The following RPL34 variants were observed in gnomAD, a reference collection of about 807,000 sequenced individuals.
RPL34 encodes the protein large ribosomal subunit protein eL34.
In RPL34, 2 loss-of-function variants were observed where a neutral mutation model predicts 16.3. The ratio of observed to expected loss-of-function variants is 0.12; its 90% CI spans 0.05 to 0.39. The LOEUF (loss-of-function observed/expected upper bound fraction) is 0.39. RPL34 is among the 10% of genes least tolerant of loss of function. RPL34 has a pLI of 0.99. For synonymous variants in RPL34, 47 were observed against 48.5 expected, an observed-to-expected ratio of 0.97 and a Z score of 0.13; for missense variants, 82 against 148.8, an observed-to-expected ratio of 0.55 and a Z score of 2.33.
chr4:108,621,782 C>T, intron 1 of RPL34, 169 bp from the exon 2 acceptor site: 1 of 568,022 alleles, frequency 1.8e-6, no homozygotes, highest in Non-Finnish European at 3.2e-6. Flanking sequence ...TCTTGTTTAT[C>T]AGTCACCTTT....
chr4:108,622,708 T>G, intron 4 of RPL34, 90 bp downstream of exon 4: 1 of 729,838 alleles, frequency 1.4e-6, no homozygotes. Context: ...AGCAACTCAT[T>G]TTAAACCAGT....
chr4:108,620,900 C>T (rs1393412367), intron 1 of RPL34: 2 of 152,286 alleles, frequency 1.3e-5, no homozygotes, highest in South Asian at 2.0e-4. Flanking sequence ...TCTGGAAAAT[C>T]GCCAAACGTT....
intron 4 of RPL34, 66 bp downstream of exon 4, chr4:108,622,684 C>A: frequency 3.9e-6 from 4 of 1,017,968 alleles, no homozygotes; most frequent in East Asian, 4.8e-5. Context: ...GTCTGCTGAT[C>A]AGTACAATGG....
downstream of RPL34, among the ~76,000 whole-genome samples, chr4:108,627,090 C>T (rs1233265094): frequency 2.6e-5 from 4 of 151,988 alleles, no homozygotes; most frequent in Non-Finnish European, 5.9e-5. Context: ...ATACAAAAAA[C>T]TAGCTGGGCG....
At chr4:108,622,351 T>C (rs1263634590) in intron 3 of RPL34, 147 bp downstream of exon 3, 7 of 812,926 alleles carry the variant, frequency 8.6e-6, no homozygotes, top group Non-Finnish European at 1.2e-5. Context: ...GCCACGAACA[T>C]AGACTTTTTA....
chr4:108,620,855 T>G (rs1725731026), intron 1 of RPL34: 1 of 152,464 alleles, frequency 6.6e-6, no homozygotes, highest in African/African-American at 2.4e-5. Context: ...AGTGTAGCGT[T>G]TGGAGACTAA....
downstream of RPL34, among the ~76,000 whole-genome samples, chr4:108,626,951 C>A (rs542608753): frequency 6.6e-6 from 1 of 152,146 alleles, no homozygotes; most frequent in South Asian, 2.1e-4. Flanking sequence ...TAAGAACATG[C>A]TTTTCTGGCT....
chr4:108,622,382 TG>T, intron 3 of RPL34, 132 bp from the exon 4 acceptor site: 1 of 814,672 alleles, frequency 1.2e-6, no homozygotes, highest in Admixed American at 2.3e-5. Flanking sequence ...AGAAATGCAG[TG>T]AAATGCCTTT....
intron 4 of RPL34, among the ~76,000 whole-genome samples, chr4:108,624,096 T>C (rs776609616): frequency 6.6e-6 from 1 of 152,188 alleles, no homozygotes; most frequent in Non-Finnish European, 1.5e-5. Flanking sequence ...AAAACTTTGC[T>C]GAACACAAAA....
Position 108,625,114 on chromosome 4 carries a change from A to G in RPL34, c.270-14A>G, listed in dbSNP as rs761984887. ...ATTTTAAAGAAATGATTAATTTGGT[A>G]TTTTCCTTTCTAGGATCAAGCGTGC... On this transcript the variant is annotated splice_polypyrimidine_tract_variant and intron_variant, in intron 4 of 4. Transcript: ENST00000394667. 3.8e-6 allele frequency: 6 copies of G among 1,573,764 alleles called. No homozygotes were observed. Among genetic ancestry groups the G allele is most frequent in the Non-Finnish European group, 1.7e-6 (2 of 1,148,114 alleles).
chr4:108,626,392 C>T (rs1016617918), downstream of RPL34, among the ~76,000 whole-genome samples: 1 of 150,646 alleles, frequency 6.6e-6, no homozygotes, highest in Non-Finnish European at 1.5e-5. Context: ...AGCCTCCCAG[C>T]GTGCCAGGAT....
downstream of RPL34, among the ~76,000 whole-genome samples, chr4:108,628,649 A>G (rs1219673752): frequency 4.1e-4 from 62 of 152,192 alleles, 1 homozygote; most frequent in Admixed American, 4.1e-3. Context: ...AGTTTCAGCA[A>G]AATATGAAAT....
downstream of RPL34, among the ~76,000 whole-genome samples, chr4:108,627,863 A>G (rs996621355): frequency 7.2e-5 from 11 of 152,142 alleles, no homozygotes; most frequent in African/African-American, 2.7e-4. Context: ...CCTCAAAAAA[A>G]AAAAAAAAAT....
intron 4 of RPL34, chr4:108,623,046 A>G (rs1725850758): frequency 6.5e-6 from 1 of 153,576 alleles, no homozygotes; most frequent in African/African-American, 2.4e-5. Context: ...GAAAAGCCAG[A>G]TTATGGCCAG....
chr4:108,622,405 G>C (rs758957693), intron 3 of RPL34, 110 bp from the exon 4 acceptor site: 2 of 864,090 alleles, frequency 2.3e-6, no homozygotes, highest in Non-Finnish European at 1.9e-6. Context: ...AGATAAATGA[G>C]TACACCATTT....
intron 4 of RPL34, 88 bp from the exon 5 acceptor site, chr4:108,625,040 G>C (rs1277166139): frequency 4.7e-6 from 4 of 851,726 alleles, no homozygotes; most frequent in Admixed American, 2.3e-5. Flanking sequence ...TGCTTTGCTT[G>C]GTTCTTTACC....
intron 4 of RPL34, among the ~76,000 whole-genome samples, chr4:108,623,609 C>T (rs148900891): frequency 1.4e-3 from 214 of 152,268 alleles, no homozygotes; most frequent in African/African-American, 4.7e-3. Context: ...CAAGGTTTCA[C>T]TGTGTTAGCC....
intron 4 of RPL34, chr4:108,623,351 A>G (rs1024107678): frequency 6.6e-6 from 1 of 152,192 alleles, no homozygotes; most frequent in Admixed American, 6.5e-5. Context: ...AAGGGAAAGA[A>G]AGAAAAGCCA....
downstream of RPL34, among the ~76,000 whole-genome samples, chr4:108,628,296 T>G (rs1274298900): frequency 6.6e-6 from 1 of 152,224 alleles, no homozygotes; most frequent in Non-Finnish European, 1.5e-5. Flanking sequence ...AAGGCAGATT[T>G]ACATCACTTT....
Sources: allele counts gnomAD v4.1 joint callset (sites outside exome capture counted in the v4.1 genomes callset), GRCh38; gene constraint gnomAD v4.1.1; transcripts MANE v1.5; gene names NCBI Gene and HGNC (gene_info 2026-07-23, HGNC 2026-07-21).